The following CCDC77 variants were observed in gnomAD, a reference collection of about 807,000 sequenced individuals.
The protein encoded by CCDC77 is coiled-coil domain-containing protein 77.
A neutral mutation model predicts 66.8 loss-of-function variants in CCDC77; 56 were observed. That is an observed-to-expected ratio of 0.84 (90% CI 0.68 to 1.05). CCDC77 has a LOEUF of 1.05. CCDC77 is among the 50% of genes least tolerant of loss of function. CCDC77 has a pLI of 0.00. For missense variants in CCDC77, 570 were observed against 576.8 expected, an observed-to-expected ratio of 0.99 and a Z score of 0.12; for synonymous variants, 196 against 195.2, an observed-to-expected ratio of 1.00 and a Z score of -0.03.
Position 441,833 on chromosome 12 carries a change from C to T in CCDC77, c.1380C>T (p.Ser460=), listed in dbSNP as rs1591998468. The change falls in exon 13 of 13, where the codon AGC becomes AGT. Residue 460 remains serine, a synonymous_variant. Transcript: ENST00000239830. The stretch of plus-strand genomic sequence containing the variant: ...CCCTTCTGTGTGAGGTCCGTGACAG[C>T]AATAGACGGGCACATAAGATACAAG... ...DLALLCEVRD[S]NRRAHKIQGE... is the part of the protein sequence containing the mutation. 1 of 1,612,700 alleles carries T rather than the reference C, an allele frequency of 6.2e-7. No homozygotes were observed. Among genetic ancestry groups the T allele is most frequent in the East Asian group, 2.2e-5 (1 of 44,832 alleles).
intron 4 of CCDC77, 73 bp downstream of exon 4, chr12:412,051 GT>G: frequency 9.3e-7 from 1 of 1,069,640 alleles, no homozygotes; most frequent in Non-Finnish European, 1.4e-6. Context: ...ACAAGTGCCA[GT>G]TTATATCAGA....
intron 9 of CCDC77, among the ~76,000 whole-genome samples, chr12:434,007 C>T (rs970439615): frequency 2.0e-5 from 3 of 152,070 alleles, no homozygotes; most frequent in African/African-American, 7.2e-5. Flanking sequence ...ACTGTACGAT[C>T]TCAAGCCCAT....
intron 5 of CCDC77, among the ~76,000 whole-genome samples, chr12:423,114 C>CTTTTTTTTTTTTT (rs139334337): frequency 1.3e-5 from 1 of 74,542 alleles, no homozygotes; most frequent in Non-Finnish European, 2.3e-5. Context: ...TCTTTTAAGC[C>CTTTTTTTTTTTTT]TTTTTTTTTT....
chr12:412,722 G>A (rs549935532), intron 4 of CCDC77, among the ~76,000 whole-genome samples: 7 of 152,140 alleles, frequency 4.6e-5, no homozygotes, highest in Admixed American at 2.6e-4. Context: ...AGAATGAATC[G>A]ATGGTAAACA....
In CCDC77 at chr12:442,199, G is replaced by T; in HGVS notation, c.*279G>T. 1 of 258,986 alleles carries T rather than the reference G, an allele frequency of 3.9e-6. No individual in the cohort carries two copies. Among genetic ancestry groups the T allele is most frequent in the East Asian group, 7.4e-5 (1 of 13,600 alleles). 16.0% of individuals were successfully genotyped at this position (258,986 alleles called of 1,614,324 possible). On this transcript the variant is annotated 3_prime_UTR_variant, in exon 13 of 13. Transcript: ENST00000239830. ...ATTATTTATCCTGTCTGTATTGACC[G>T]GTTTTTGTTTTTTCAGAAGGCAGTG...
At chr12:436,634 A>C (rs1945764898) in intron 9 of CCDC77, 1 of 294,792 alleles carries the variant, frequency 3.4e-6, no homozygotes, top group Admixed American at 6.5e-5. Flanking sequence ...TTGACATTTC[A>C]ATGGGTTTTG....
intron 1 of CCDC77, among the ~76,000 whole-genome samples, chr12:396,127 C>T (rs1565560208): frequency 6.6e-6 from 1 of 152,210 alleles, no homozygotes; most frequent in Non-Finnish European, 1.5e-5. Context: ...CGAGGTGGCT[C>T]ACGCCTATAA....
At chr12:414,078 C>T (rs1362340914) in intron 4 of CCDC77, among the ~76,000 whole-genome samples, 3 of 150,854 alleles carry the variant, frequency 2.0e-5, no homozygotes, top group Admixed American at 2.0e-4. Flanking sequence ...CTAAAATTTT[C>T]TTCCTTTCTT....
rs58938735 is a variant in CCDC77 at position 390,736 on chromosome 12, A to AACACACACACACACAC, written c.-113+1260_-113+1275dup. Among the ~76,000 whole-genome samples the AACACACACACACACAC allele has an allele frequency of 7.6e-3, 1,133 of 149,444 alleles. 9 individuals carry two copies. The highest frequency in any genetic ancestry group is 0.025 in the African/African-American group (1,013 of 40,738). ...AGTCCTTAAAATAAATATCTTTATA[A>AACACACACACACACAC]ACACACACACACACACACACACACA... On this transcript the variant is annotated intron_variant, in intron 1 of 11. Transcript: ENST00000422000.
chr12:426,692 G>A (rs760513934), intron 5 of CCDC77, among the ~76,000 whole-genome samples: 4 of 151,998 alleles, frequency 2.6e-5, no homozygotes, highest in Non-Finnish European at 5.9e-5. Context: ...AGTTGGACGT[G>A]GGCCACAATT....
At chr12:412,380 A>G (rs1945129541) in intron 4 of CCDC77, among the ~76,000 whole-genome samples, 3 of 152,340 alleles carry the variant, frequency 2.0e-5, no homozygotes, top group Middle Eastern at 3.4e-3. Context: ...CCCTTGCTCA[A>G]TTATTCTTCT....
rs187565629 is a variant in CCDC77 at position 425,089 on chromosome 12, C to T, written c.414-3680C>T. Reference sequence around the variant, plus strand: ...GGGACTACAGGCACGAGCCAACACACCTGACTAATTTTTGTATTTTTTGTA... The same window carrying T: ...GGGACTACAGGCACGAGCCAACACATCTGACTAATTTTTGTATTTTTTGTA... On this transcript the variant is annotated intron_variant, in intron 5 of 12. Transcript: ENST00000239830. Among the ~76,000 whole-genome samples, 53 of 151,936 alleles carry T rather than the reference C, an allele frequency of 3.5e-4. 1 individual carries two copies. Among genetic ancestry groups the T allele is most frequent in the Non-Finnish European group, 6.9e-4 (47 of 67,988 alleles).
chr12:416,879 CGGCGG>C (rs1565569561), intron 4 of CCDC77, among the ~76,000 whole-genome samples: 12 of 77,742 alleles, frequency 1.5e-4, no homozygotes, highest in Admixed American at 4.2e-4. Context: ...AGGCCGAGGC[CGGCGG>C]ATCACCTGGG....
At chr12:410,743 A>G (rs1176785477) in intron 3 of CCDC77, among the ~76,000 whole-genome samples, 11 of 144,064 alleles carry the variant, frequency 7.6e-5, no homozygotes, top group South Asian at 4.5e-4. Flanking sequence ...ACTAGGTTTC[A>G]CTATGTTGGC....
At chr12:412,487 A>AT (rs1478007006) in intron 4 of CCDC77, among the ~76,000 whole-genome samples, 1 of 152,156 alleles carries the variant, frequency 6.6e-6, no homozygotes, top group East Asian at 1.9e-4. Context: ...CATTATTGAC[A>AT]TTTTGGCCTG....
rs1016287175 is a variant in CCDC77, at chr12:418,506, T to A, written c.283T>A (p.Cys95Ser). 1 of 1,613,952 alleles carries A rather than the reference T, an allele frequency of 6.2e-7. No homozygotes were observed. Among genetic ancestry groups the A allele is most frequent in the Non-Finnish European group, 8.5e-7 (1 of 1,179,996 alleles). ...EACEGQHKLE[C>S]DLQQREEEIA... ...GGTTTTTTTGCAGCATAAACTTGAA[T>A]GTGATTTGCAGCAGAGGGAGGAAGA... The change falls in exon 5 of 13, where the codon TGT becomes AGT. Residue 95 changes from cysteine to serine, a missense_variant. Coordinates refer to ENST00000239830, the MANE Select transcript of CCDC77 (RefSeq NM_032358.4).
intron 10 of CCDC77, 72 bp downstream of exon 10, chr12:438,626 A>G (rs1945799125): frequency 5.2e-6 from 6 of 1,162,344 alleles, no homozygotes; most frequent in East Asian, 4.7e-5. Context: ...AGAACCTACA[A>G]TTTGTAATGT....
intron 5 of CCDC77, among the ~76,000 whole-genome samples, chr12:426,147 G>A (rs1312413238): frequency 6.6e-6 from 1 of 152,212 alleles, no homozygotes; most frequent in African/African-American, 2.4e-5. Flanking sequence ...ACAGGTGTGA[G>A]CTACCGCGCC....
At chr12:397,911 GC>G, upstream of CCDC77, among the ~76,000 whole-genome samples, 1 of 152,238 alleles carries the variant, frequency 6.6e-6, no homozygotes, top group South Asian at 2.1e-4. Context: ...CTCCTGCAGT[GC>G]TGGGATTACA....
Sources: gnomAD v4.1 joint callset for allele counts (sites outside exome capture counted in the v4.1 genomes callset) on GRCh38, gnomAD v4.1.1 for gene constraint, MANE v1.5 for transcripts, NCBI Gene and HGNC (gene_info 2026-07-23, HGNC 2026-07-21) for gene names.